Variants in EFTUD2 observed in about 807,000 individuals in gnomAD.
EFTUD2 encodes elongation factor Tu GTP binding domain containing 2.
EFTUD2 carries 9 observed loss-of-function variants against 114.3 expected under a neutral mutation model. The observed-to-expected ratio is 0.08, with a 90% CI of 0.05 to 0.14. EFTUD2 has a LOEUF of 0.14. Ranked by LOEUF, EFTUD2 falls within the 10% of genes least tolerant of loss-of-function variation. EFTUD2 has a pLI of 1.00. For missense variants in EFTUD2, 765 were observed against 1,241.2 expected (o/e 0.62, Z 5.76); for synonymous variants, 449 against 462.3 (o/e 0.97, Z 0.37).
rs1161448556 is a variant in EFTUD2 at position 44,854,094 on chromosome 17, TAC to T, written c.2347+173_2347+174del. On this transcript the variant is annotated intron_variant, in intron 23 of 27. Coordinates refer to ENST00000426333, the MANE Select transcript of EFTUD2 (RefSeq NM_004247.4). The surrounding 1 kb of genome is among the most constrained non-coding windows in gnomAD (Gnocchi z 4.3). ...ATGACTTAAATTTCCATTTCCAGGC[TAC>T]ACCACCAGGATAAGGAAGGAAAAGG... 7.0e-7 allele frequency: 1 copy of T among 1,430,510 alleles called. No homozygotes were observed. The highest frequency in any genetic ancestry group is 1.4e-5 in the African/African-American group (1 of 69,958). 88.6% of individuals were successfully genotyped at this position (1,430,510 alleles called of 1,614,324 possible). A position where few individuals can be genotyped will look rare whatever the true frequency, so the allele number is the denominator to read the frequency against.
intron 2 of EFTUD2, among the ~76,000 whole-genome samples, chr17:44,889,183 G>T (rs2051233168): frequency 6.6e-6 from 1 of 152,190 alleles, no homozygotes; most frequent in Non-Finnish European, 1.5e-5. Flanking sequence ...CAGGTCATGT[G>T]GGCTGAGGAC....
chr17:44,870,592 G>T (rs948780236), intron 11 of EFTUD2, among the ~76,000 whole-genome samples: 1 of 152,050 alleles, frequency 6.6e-6, no homozygotes, highest in African/African-American at 2.4e-5. Context: ...CTCTTCCTTA[G>T]CCTGCTCAAT....
At chr17:44,888,425 A>G (rs897430304) in intron 2 of EFTUD2, among the ~76,000 whole-genome samples, 5 of 152,208 alleles carry the variant, frequency 3.3e-5, no homozygotes, top group African/African-American at 4.8e-5. Flanking sequence ...ACTCTGCACC[A>G]GGGGTTTGGA....
At chr17:44,855,083 C>A in intron 20 of EFTUD2, 79 bp from the exon 21 acceptor site, 1 of 1,302,918 alleles carries the variant, frequency 7.7e-7, no homozygotes. Flanking sequence ...GGTAACAAGA[C>A]GGACAGCTGA....
chr17:44,872,348 C>T, intron 11 of EFTUD2, 98 bp downstream of exon 11: 1 of 1,501,706 alleles, frequency 6.7e-7, no homozygotes, highest in Non-Finnish European at 9.2e-7. Flanking sequence ...GTTCCCCCAG[C>T]AGGGTGCTGA....
In EFTUD2 at chr17:44,854,863, T is replaced by TA. The variant is rs749275564; in HGVS notation, c.2132+54dup. ...TGTGTGCTCTTAGAGACCCGGCAGT[T>TA]AAACTGTGGCATCCCTGCCTCCTTT... On this transcript the variant is annotated intron_variant, in intron 21 of 27. Transcript: ENST00000426333. This position sits in a 1 kb window ranked among gnomAD's most constrained non-coding sequence, Gnocchi z 4.3. 2.5e-6 allele frequency: 4 copies of TA among 1,587,166 alleles called. No individual in the cohort carries two copies. Among genetic ancestry groups the TA allele is most frequent in the Non-Finnish European group, 3.5e-6 (4 of 1,155,964 alleles).
intron 3 of EFTUD2, among the ~76,000 whole-genome samples, chr17:44,885,947 G>T (rs868799223): frequency 3.3e-5 from 5 of 151,846 alleles, no homozygotes; most frequent in Middle Eastern, 3.2e-3. Context: ...CTATTAAATG[G>T]ACAATAAGGC....
chr17:44,872,787 A>AAT, intron 10 of EFTUD2: 4 of 365,104 alleles, frequency 1.1e-5, no homozygotes, highest in Non-Finnish European at 1.4e-5. Flanking sequence ...AGAGCTGGGA[A>AAT]CATTCTGCAC....
chr17:44,879,085 A>AT (rs1375995012), intron 9 of EFTUD2, among the ~76,000 whole-genome samples: 1 of 151,828 alleles, frequency 6.6e-6, no homozygotes, highest in Non-Finnish European at 1.5e-5. Context: ...CACATTGATA[A>AT]TTTTTTTCTT....
intron 9 of EFTUD2, among the ~76,000 whole-genome samples, chr17:44,879,239 C>G (rs949315454): frequency 6.6e-6 from 1 of 152,120 alleles, no homozygotes; most frequent in African/African-American, 2.4e-5. Context: ...GCATGGGTCA[C>G]CACACCTGGC....
Position 44,863,667 on chromosome 17 carries a change from G to A in EFTUD2, c.1401C>T (p.Asp467=), listed in dbSNP as rs765538912. The A allele has an allele frequency of 1.2e-6, 2 of 1,613,798 alleles. No homozygotes were observed. Among genetic ancestry groups the A allele is most frequent in the African/African-American group, 1.3e-5 (1 of 74,924 alleles). The change falls in exon 15 of 28, where the codon GAC becomes GAT. Residue 467 remains aspartate (D), a synonymous_variant. Transcript: ENST00000426333. ...CACATGCCCTTACATCAGGGTCACA[G>A]TCACTCATAGCCTCGCCGAGGTCGG... ...VDSDLGEAMS[D]CDPDGPLMCH...
At chr17:44,853,888 T>C (rs964368507) in intron 23 of EFTUD2, 15 of 1,381,986 alleles carry the variant, frequency 1.1e-5, no homozygotes, top group Middle Eastern at 2.7e-4. Context: ...TTTATTTCCT[T>C]CTTCTGCACA....
chr17:44,856,437 C>G (rs1223577738), intron 20 of EFTUD2, among the ~76,000 whole-genome samples: 1 of 150,984 alleles, frequency 6.6e-6, no homozygotes, highest in Non-Finnish European at 1.5e-5. Context: ...AGCTGAGGCA[C>G]AAGAATTGCT....
Position 44,851,206 on chromosome 17 carries a change from G to A in EFTUD2, c.*68C>T. On this transcript the variant is annotated 3_prime_UTR_variant, in exon 28 of 28. Coordinates refer to ENST00000426333, the MANE Select transcript of EFTUD2 (RefSeq NM_004247.4). Reference sequence around the variant, plus strand: ...ACAACACGAAGGCCACGTCATATGAGGTCTCAGCTTCAAGTACAGGAGTTG... The same window carrying A: ...ACAACACGAAGGCCACGTCATATGAAGTCTCAGCTTCAAGTACAGGAGTTG... The A allele has an allele frequency of 7.7e-7, 1 of 1,291,540 alleles. No individual in the cohort carries two copies. Among genetic ancestry groups the A allele is most frequent in the Non-Finnish European group, 1.1e-6 (1 of 889,326 alleles). The allele number at this position is 1,291,540 out of a possible 1,614,324, so 80.0% of individuals were successfully genotyped here.
chr17:44,862,218 T>C (rs140593043), intron 16 of EFTUD2, among the ~76,000 whole-genome samples: 1,863 of 152,258 alleles, frequency 0.012, 38 homozygotes, highest in African/African-American at 0.042. Flanking sequence ...GAGGATCACT[T>C]GAGCCCAGGA....
chr17:44,890,295 C>T (rs182927658), intron 2 of EFTUD2, among the ~76,000 whole-genome samples: 249 of 151,622 alleles, frequency 1.6e-3, no homozygotes, highest in South Asian at 2.9e-3. Context: ...GCTGGGATTA[C>T]AGGCATGAGC....
chr17:44,875,307 G>A (rs2050926561), intron 10 of EFTUD2, among the ~76,000 whole-genome samples: 2 of 152,140 alleles, frequency 1.3e-5, no homozygotes, highest in African/African-American at 4.8e-5. Context: ...GAGGTGGGCG[G>A]ATCACGAGCT....
rs1305503332 is a variant in EFTUD2 at position 44,889,126 on chromosome 17, G to GT, written c.106-2377dup. Among the ~76,000 whole-genome samples, 4 of 152,190 alleles carry GT rather than the reference G, an allele frequency of 2.6e-5. No homozygotes were observed. The East Asian group carries it at 7.7e-4, about 29-fold the overall frequency. ...GTTCTCTGAAAGCCAAAGGAAGAGA[G>GT]TATTTTAAAGAGGAGGGAATGATCG... is the stretch of plus-strand genomic sequence containing the variant. On this transcript the variant is annotated intron_variant, in intron 2 of 27. Transcript: ENST00000426333.
intron 11 of EFTUD2, among the ~76,000 whole-genome samples, chr17:44,869,447 C>A (rs761613543): frequency 7.2e-5 from 11 of 152,096 alleles, no homozygotes; most frequent in Non-Finnish European, 1.3e-4. Context: ...TACAGGTGTG[C>A]GCCATCACGG....
Sources: gnomAD v4.1 joint callset for allele counts (sites outside exome capture counted in the v4.1 genomes callset) on GRCh38, gnomAD v4.1.1 for gene constraint, Gnocchi (gnomAD v3.1) non-coding constraint, MANE v1.5 for transcripts, NCBI Gene and HGNC (gene_info 2026-07-23, HGNC 2026-07-21) for gene names.